Variants in HEMK2 observed in about 807,000 individuals in gnomAD.
HEMK2 encodes the protein methyltransferase HEMK2.
the HEMK2 span, among the ~76,000 whole-genome samples, chr21:28,774,794 A>G: frequency 5.9e-3 from 903 of 152,300 alleles, 8 homozygotes; most frequent in African/African-American, 0.02. Flanking sequence ...TTTCTTTTGA[A>G]TCTACATTAT....
the HEMK2 span, among the ~76,000 whole-genome samples, chr21:28,644,263 C>A: frequency 1.3e-5 from 2 of 152,148 alleles, no homozygotes; most frequent in African/African-American, 4.8e-5. Flanking sequence ...ACTTGCCAAA[C>A]ATAAAACCAT....
chr21:28,878,355 GTTTTC>G, the HEMK2 span: 7 of 1,610,360 alleles, frequency 4.3e-6, no homozygotes, highest in East Asian at 2.2e-5. Context: ...TAGAAAGAAT[GTTTTC>G]TTTTAACTCA....
chr21:28,642,165 A>G, the HEMK2 span, among the ~76,000 whole-genome samples: 1 of 152,202 alleles, frequency 6.6e-6, no homozygotes, highest in Non-Finnish European at 1.5e-5. Context: ...TAAATGTTGA[A>G]ACAACCCCAA....
chr21:28,831,462 C>T, the HEMK2 span, among the ~76,000 whole-genome samples: 12 of 23,660 alleles, frequency 5.1e-4, 1 homozygote, highest in South Asian at 5.2e-3. Flanking sequence ...AAGAAAAGAA[C>T]GAAAGAAAGA....
chr21:28,700,126 C>T, the HEMK2 span, among the ~76,000 whole-genome samples: 84,457 of 151,832 alleles, frequency 0.56, 26,160 homozygotes, highest in East Asian at 0.84. Flanking sequence ...CCCCATCTCT[C>T]TTCCTCTTCC....
At chr21:28,607,291 G>C in the HEMK2 span, among the ~76,000 whole-genome samples, 1 of 152,012 alleles carries the variant, frequency 6.6e-6, no homozygotes. Context: ...TGCACCTGTA[G>C]TCCCAGCTAC....
At chr21:28,811,651 C>T in the HEMK2 span, among the ~76,000 whole-genome samples, 2 of 152,162 alleles carry the variant, frequency 1.3e-5, no homozygotes, top group African/African-American at 2.4e-5. Context: ...CTCCCCTACC[C>T]TTTGAACGTA....
the HEMK2 span, among the ~76,000 whole-genome samples, chr21:28,846,222 T>C: frequency 1.4e-4 from 21 of 152,208 alleles, no homozygotes; most frequent in African/African-American, 5.1e-4. Context: ...GTTGATTCCA[T>C]GTCTTTGCTA....
At chr21:28,769,009 G>A in the HEMK2 span, among the ~76,000 whole-genome samples, 1 of 151,934 alleles carries the variant, frequency 6.6e-6, no homozygotes, top group East Asian at 2.0e-4. Context: ...CTTAATCTTG[G>A]ACTTCTAGCC....
At chr21:28,645,855 G>A in the HEMK2 span, among the ~76,000 whole-genome samples, 1 of 152,164 alleles carries the variant, frequency 6.6e-6, no homozygotes, top group East Asian at 1.9e-4. Flanking sequence ...CTTGCTCTTA[G>A]ACTTTCCAGC....
the HEMK2 span, among the ~76,000 whole-genome samples, chr21:28,718,054 G>C: frequency 6.6e-6 from 1 of 152,066 alleles, no homozygotes; most frequent in Admixed American, 6.5e-5. Context: ...CTTGATGCAG[G>C]CATTTAGTAC....
At chr21:28,880,929 A>T in the HEMK2 span, among the ~76,000 whole-genome samples, 6 of 41,186 alleles carry the variant, frequency 1.5e-4, no homozygotes, top group Non-Finnish European at 1.5e-4. Flanking sequence ...TCATTTATTT[A>T]AAAAAAAAAA....
At chr21:28,637,525 T>C in the HEMK2 span, among the ~76,000 whole-genome samples, 1 of 151,948 alleles carries the variant, frequency 6.6e-6, no homozygotes, top group Non-Finnish European at 1.5e-5. Context: ...ACCAGAGGCA[T>C]GACTGGCGTA....
At chr21:28,607,370 C>A in the HEMK2 span, among the ~76,000 whole-genome samples, 2 of 151,902 alleles carry the variant, frequency 1.3e-5, no homozygotes, top group Non-Finnish European at 2.9e-5. Context: ...AAGATCGTGC[C>A]ACTGCACTCC....
the HEMK2 span, among the ~76,000 whole-genome samples, chr21:28,742,308 A>T: frequency 1.2e-4 from 19 of 152,372 alleles, no homozygotes; most frequent in African/African-American, 4.3e-4. Context: ...CGTTTGCCAC[A>T]GAGCACCATT....
At chr21:28,703,604 T>C in the HEMK2 span, among the ~76,000 whole-genome samples, 1 of 152,220 alleles carries the variant, frequency 6.6e-6, no homozygotes, top group Non-Finnish European at 1.5e-5. Context: ...CCTTTATCTA[T>C]GGATAAAGAC....
chr21:28,662,289 C>T, the HEMK2 span, among the ~76,000 whole-genome samples: 8 of 152,136 alleles, frequency 5.3e-5, no homozygotes, highest in African/African-American at 1.9e-4. Flanking sequence ...AGGAATGTTG[C>T]TGATGCCCCA....
At chr21:28,576,528 C>T in the HEMK2 span, among the ~76,000 whole-genome samples, 15 of 151,744 alleles carry the variant, frequency 9.9e-5, no homozygotes, top group African/African-American at 3.4e-4. Context: ...ATGTCTTATC[C>T]CCATTTTCTT....
At chr21:28,616,275 C>A in the HEMK2 span, among the ~76,000 whole-genome samples, 1 of 152,078 alleles carries the variant, frequency 6.6e-6, no homozygotes, top group African/African-American at 2.4e-5. Flanking sequence ...AGAGGTTCTT[C>A]GCTAATCACA....
Sources: gnomAD v4.1 joint callset for allele counts (sites outside exome capture counted in the v4.1 genomes callset) on GRCh38, gnomAD v4.1.1 for gene constraint, MANE v1.5 for transcripts, NCBI Gene and HGNC (gene_info 2026-07-23, HGNC 2026-07-21) for gene names.